ABHD10: variants seen among roughly 807,000 people sequenced by gnomAD.
ABHD10 encodes the protein palmitoyl-protein thioesterase ABHD10, mitochondrial.
A neutral mutation model predicts 33.1 loss-of-function variants in ABHD10; 22 were observed. That is an observed-to-expected ratio of 0.66 (90% CI 0.47 to 0.95). The LOEUF is 0.95. ABHD10 is among the 40% of genes least tolerant of loss of function. ABHD10 has a pLI of 0.00. For synonymous variants in ABHD10, 146 were observed against 133.9 expected, an observed-to-expected ratio of 1.09 and a Z score of -0.62; for missense variants, 352 against 379.9, an observed-to-expected ratio of 0.93 and a Z score of 0.61.
intron 2 of ABHD10, chr3:111,982,225 G>A (rs1217425202): frequency 3.4e-6 from 1 of 296,688 alleles, no homozygotes; most frequent in African/African-American, 2.2e-5. Flanking sequence ...CTCTTTAGAG[G>A]CAATAATGTA....
In ABHD10 at chr3:111,990,950, C is replaced by G. The variant is rs115456161; in HGVS notation, c.577-427C>G. On this transcript the variant is annotated intron_variant, in intron 4 of 4. Transcript: ENST00000273359. ...ATATGAATGATACCTGGACTGATTC[C>G]AAGAAATTGTAGTGCTTTTCTCCCT... Among the ~76,000 whole-genome samples, 1,061 of 152,094 alleles carry G rather than the reference C, an allele frequency of 7.0e-3. 11 individuals carry two copies. Among genetic ancestry groups the G allele is most frequent in the African/African-American group, 0.025 (1,028 of 41,506 alleles).
chr3:111,981,041 C>T (rs555727611), intron 1 of ABHD10, among the ~76,000 whole-genome samples: 29 of 152,072 alleles, frequency 1.9e-4, no homozygotes, highest in African/African-American at 6.5e-4. Context: ...CATGGTGGCT[C>T]ACACCTGTAA....
rs1467090854 is a variant in ABHD10 at position 111,991,394 on chromosome 3, G to A, written c.594G>A (p.Glu198=). The A allele has an allele frequency of 6.2e-7, 1 of 1,606,408 alleles. No individual in the cohort carries two copies. The highest frequency in any genetic ancestry group is 8.5e-7 in the Non-Finnish European group (1 of 1,178,164). The change falls in exon 5 of 5, where the codon GAG becomes GAA. Residue 198 remains glutamate (E), a synonymous_variant. Coordinates refer to ENST00000273359, the MANE Select transcript of ABHD10 (RefSeq NM_018394.4). The part of the protein sequence containing the change: ...QLPVELKKEV[E]MKGVWSMPSK... The stretch of plus-strand genomic sequence containing the variant: ...TCCAATAGCTAAAAAAGGAAGTAGA[G>A]ATGAAAGGTGTGTGGAGCATGCCAT...
At chr3:111,980,499 G>A (rs1229203871) in intron 1 of ABHD10, among the ~76,000 whole-genome samples, 2 of 152,078 alleles carry the variant, frequency 1.3e-5, no homozygotes, top group Admixed American at 1.3e-4. Flanking sequence ...AAAAGAAAAT[G>A]TATTAGTCCA....
intron 3 of ABHD10, among the ~76,000 whole-genome samples, 183 bp downstream of exon 3, chr3:111,986,558 C>T (rs970110010): frequency 6.6e-6 from 1 of 152,190 alleles, no homozygotes; most frequent in Non-Finnish European, 1.5e-5. Context: ...GCCTCAGCCT[C>T]CCAGGTAGCT....
chr3:111,992,630 T>C lies in ABHD10; in HGVS notation c.*909T>C, dbSNP rs1182450138. 6.9e-6 allele frequency: 1 copy of C among 144,678 alleles called. No individual in the cohort carries two copies. Among genetic ancestry groups the C allele is most frequent in the African/African-American group, 2.6e-5 (1 of 38,962 alleles). The allele number at this position is 144,678 out of a possible 1,614,324, so 9.0% of individuals were successfully genotyped here. Reference sequence around the variant, plus strand: ...GTGAGGTGTAGATTGAGCCTTGATATTATTTAGTTAATGTTTTTTATTAAT... The same window carrying C: ...GTGAGGTGTAGATTGAGCCTTGATACTATTTAGTTAATGTTTTTTATTAAT... On this transcript the variant is annotated 3_prime_UTR_variant, in exon 5 of 5. Coordinates refer to ENST00000273359, the MANE Select transcript of ABHD10 (RefSeq NM_018394.4).
chr3:111,980,480 T>G (rs576068185), intron 1 of ABHD10, among the ~76,000 whole-genome samples: 2 of 152,266 alleles, frequency 1.3e-5, no homozygotes, highest in South Asian at 4.1e-4. Context: ...CGGCTTCATT[T>G]AATATAAAAA....
chr3:111,981,177 G>T (rs1425056622), intron 1 of ABHD10, among the ~76,000 whole-genome samples: 2 of 151,886 alleles, frequency 1.3e-5, no homozygotes, highest in Non-Finnish European at 2.9e-5. Context: ...GGTGGTACAT[G>T]CGTGTAGTGC....
Position 111,986,372 on chromosome 3 carries a change from A to G in ABHD10, c.435A>G (p.Pro145=), listed in dbSNP as rs746029380. The stretch of plus-strand genomic sequence containing the variant: ...TAATTGATGACTTAGCTGATGGGCC[A>G]CAGGTGACTGTTTTGTTAAGTATGA... The part of the protein sequence containing the change: ...LSIIDDLADG[P]QILVGSSLGG... The change falls in exon 3 of 5, where the codon CCA becomes CCG. Residue 145 remains proline (P), a synonymous_variant. Transcript: ENST00000273359. 2 of 1,597,860 alleles carry G rather than the reference A, an allele frequency of 1.3e-6. No homozygotes were observed. The highest frequency in any genetic ancestry group is 8.6e-7 in the Non-Finnish European group (1 of 1,166,070).
intron 2 of ABHD10, among the ~76,000 whole-genome samples, chr3:111,985,271 C>T (rs890032605): frequency 3.3e-5 from 5 of 152,108 alleles, no homozygotes; most frequent in East Asian, 3.9e-4. Context: ...TGGTATGATA[C>T]TTTATACCAC....
rs746106436 is a variant in ABHD10, at chr3:111,986,260, C to G, written c.327-4C>G. 3 of 1,582,520 alleles carry G rather than the reference C, an allele frequency of 1.9e-6. No individual in the cohort carries two copies. Among genetic ancestry groups the G allele is most frequent in the Admixed American group, 1.8e-5 (1 of 57,032 alleles). On this transcript the variant is annotated splice_region_variant and splice_polypyrimidine_tract_variant and intron_variant, in intron 2 of 4. Coordinates refer to ENST00000273359, the MANE Select transcript of ABHD10 (RefSeq NM_018394.4). ...AGATATAGATTTTTTTCCCCTTTTT[C>G]CAGGTTTGATTACTCAGGAGTTGGA...
chr3:111,989,790 A>T (rs1040249118), intron 4 of ABHD10, among the ~76,000 whole-genome samples: 13 of 150,010 alleles, frequency 8.7e-5, no homozygotes, highest in African/African-American at 3.2e-4. Flanking sequence ...ATTTGGAGAC[A>T]TATTTAGAAG....
At chr3:111,987,082 T>C in intron 4 of ABHD10, 31 bp downstream of exon 4, 1 of 1,606,494 alleles carries the variant, frequency 6.2e-7, no homozygotes, top group Non-Finnish European at 8.5e-7. Context: ...GCCACCTCAA[T>C]ATATTTACCG....
rs535972310 is a variant in ABHD10 at position 111,979,221 on chromosome 3, G to A, written c.142+18G>A. 74 of 1,586,236 alleles carry A rather than the reference G, an allele frequency of 4.7e-5. 1 individual carries two copies. The highest frequency in any genetic ancestry group is 4.5e-4 in the South Asian group (40 of 89,416). ...GCTCCCAGGTCAGTGTCCGAAAGGC[G>A]GGAGTAGGATGCGTTCTTTCGAACG... On this transcript the variant is annotated intron_variant, in intron 1 of 4. Coordinates refer to ENST00000273359, the MANE Select transcript of ABHD10 (RefSeq NM_018394.4).
intron 2 of ABHD10, among the ~76,000 whole-genome samples, chr3:111,983,012 T>C (rs1240764141): frequency 2.0e-5 from 3 of 152,156 alleles, no homozygotes; most frequent in Non-Finnish European, 4.4e-5. Context: ...ATAGATTCTC[T>C]AGCACTATAC....
chr3:111,987,352 T>C (rs2072680902), intron 4 of ABHD10, among the ~76,000 whole-genome samples: 1 of 152,244 alleles, frequency 6.6e-6, no homozygotes, highest in African/African-American at 2.4e-5. Context: ...TTCTTTATTA[T>C]TACATTTACT....
At chr3:111,979,555 G>C (rs1291567448) in intron 1 of ABHD10, among the ~76,000 whole-genome samples, 2 of 152,234 alleles carry the variant, frequency 1.3e-5, no homozygotes, top group African/African-American at 4.8e-5. Context: ...TTTGTAGATT[G>C]TGACTCCTAA....
chr3:111,980,940 A>AGT (rs2072575975), intron 1 of ABHD10, among the ~76,000 whole-genome samples: 1 of 152,178 alleles, frequency 6.6e-6, no homozygotes, highest in Non-Finnish European at 1.5e-5. Context: ...TAAAAAGGGC[A>AGT]CAGCACGTCC....
intron 4 of ABHD10, among the ~76,000 whole-genome samples, chr3:111,988,453 A>G (rs2072699485): frequency 6.6e-6 from 1 of 152,106 alleles, no homozygotes; most frequent in African/African-American, 2.4e-5. Context: ...TCTTAACTCA[A>G]TAATACAGCG....
Sources: gnomAD v4.1 joint callset for allele counts (sites outside exome capture counted in the v4.1 genomes callset) on GRCh38, gnomAD v4.1.1 for gene constraint, MANE v1.5 for transcripts, NCBI Gene and HGNC (gene_info 2026-07-23, HGNC 2026-07-21) for gene names.